Variants in ZBTB20 observed in about 807,000 individuals in gnomAD.
ZBTB20 encodes the protein zinc finger and BTB domain containing 20.
Under a neutral mutation model 56.9 loss-of-function variants are expected in ZBTB20, and 9 were observed. The ratio of observed to expected loss-of-function variants is 0.16; its 90% CI spans 0.10 to 0.28. ZBTB20 has a LOEUF of 0.28. Ranked by LOEUF, ZBTB20 falls within the 10% of genes least tolerant of loss-of-function variation. The probability of loss-of-function intolerance (pLI) is 1.00; values close to 1 mark genes in which losing one functional copy is unlikely to be tolerated. For synonymous variants in ZBTB20, 417 were observed against 420.7 expected, an observed-to-expected ratio of 0.99 and a Z score of 0.11; for missense variants, 655 against 1,003.0, an observed-to-expected ratio of 0.65 and a Z score of 4.69.
intron 7 of ZBTB20, among the ~76,000 whole-genome samples, chr3:114,442,315 A>C (rs2108969599): frequency 6.6e-6 from 1 of 152,274 alleles, no homozygotes; most frequent in Middle Eastern, 3.4e-3. Flanking sequence ...AGTGAAAACT[A>C]CTAGAGAATG....
At chr3:114,530,225 A>G (rs1024416238) in intron 6 of ZBTB20, among the ~76,000 whole-genome samples, 24 of 152,232 alleles carry the variant, frequency 1.6e-4, no homozygotes, top group African/African-American at 5.8e-4. Context: ...CTAGTTCTGC[A>G]AGATCCATTC....
At chr3:114,741,692 G>C (rs2066592609) in intron 5 of ZBTB20, among the ~76,000 whole-genome samples, 1 of 151,106 alleles carries the variant, frequency 6.6e-6, no homozygotes, top group African/African-American at 2.4e-5. Flanking sequence ...GGCCAAGATG[G>C]GGAAACCCCG....
intron 1 of ZBTB20, among the ~76,000 whole-genome samples, chr3:115,098,956 G>A (rs192415097): frequency 2.2e-4 from 33 of 152,188 alleles, no homozygotes; most frequent in African/African-American, 6.7e-4. Context: ...TGTATATGCC[G>A]AAACATTTGT....
chr3:114,938,772 G>T (rs1358526811), intron 3 of ZBTB20, among the ~76,000 whole-genome samples: 1 of 145,214 alleles, frequency 6.9e-6, no homozygotes, highest in African/African-American at 2.8e-5. Context: ...GTATACCTAT[G>T]TAACAAACCT....
intron 6 of ZBTB20, among the ~76,000 whole-genome samples, chr3:114,525,875 T>C (rs2942793): frequency 0.1 from 15,860 of 152,224 alleles, 1,335 homozygotes; most frequent in African/African-American, 0.22. Context: ...ATACTGTCTT[T>C]GAGACCAGAA....
At chr3:114,698,468 C>T (rs112570042) in intron 5 of ZBTB20, among the ~76,000 whole-genome samples, 34 of 152,156 alleles carry the variant, frequency 2.2e-4, no homozygotes, top group African/African-American at 7.9e-4. Flanking sequence ...CTCAGTGCTT[C>T]CCATGCCATA....
chr3:114,705,285 A>G (rs2063648654), intron 5 of ZBTB20, among the ~76,000 whole-genome samples: 2 of 151,996 alleles, frequency 1.3e-5, no homozygotes, highest in Non-Finnish European at 2.9e-5. Context: ...CAGCCTGAGG[A>G]AAAAAAATAA....
intron 6 of ZBTB20, among the ~76,000 whole-genome samples, chr3:114,656,406 A>G (rs1272360777): frequency 6.6e-6 from 1 of 152,072 alleles, no homozygotes; most frequent in African/African-American, 2.4e-5. Context: ...ATCATTTTTT[A>G]TTTCAGATTC....
chr3:115,096,795 GTAGA>G (rs2083395955), intron 1 of ZBTB20, among the ~76,000 whole-genome samples: 2 of 152,174 alleles, frequency 1.3e-5, no homozygotes, highest in South Asian at 4.1e-4. Context: ...CAGAACATGT[GTAGA>G]TAATCACACA....
At chr3:114,931,434 C>T (rs757199357) in intron 3 of ZBTB20, 3 of 200,646 alleles carry the variant, frequency 1.5e-5, no homozygotes, top group Admixed American at 1.2e-4. Context: ...ATTCTGCACC[C>T]GAGGCAGAAG....
chr3:115,094,775 T>G (rs922633141), intron 1 of ZBTB20, among the ~76,000 whole-genome samples: 1 of 151,924 alleles, frequency 6.6e-6, no homozygotes, highest in Non-Finnish European at 1.5e-5. Flanking sequence ...TTCTAAAAAT[T>G]AGAGAAAATT....
chr3:115,007,174 CCTTTA>C (rs2079507664), intron 2 of ZBTB20, among the ~76,000 whole-genome samples: 1 of 151,624 alleles, frequency 6.6e-6, no homozygotes, highest in Non-Finnish European at 1.5e-5. Flanking sequence ...TTCTGAGATT[CCTTTA>C]CTTTTTCTTG....
At chr3:114,544,665 G>C (rs929350296) in intron 6 of ZBTB20, among the ~76,000 whole-genome samples, 9 of 151,804 alleles carry the variant, frequency 5.9e-5, no homozygotes, top group African/African-American at 2.2e-4. Context: ...CATCACTCCT[G>C]CCTAATTTTT....
intron 1 of ZBTB20, among the ~76,000 whole-genome samples, chr3:115,083,989 A>T (rs549790153): frequency 6.6e-6 from 1 of 152,090 alleles, no homozygotes; most frequent in South Asian, 2.1e-4. Context: ...AGTTTAGTGG[A>T]TATTGTCTGT....
chr3:114,630,321 C>T (rs1027731430), intron 6 of ZBTB20, among the ~76,000 whole-genome samples: 1 of 152,166 alleles, frequency 6.6e-6, no homozygotes, highest in African/African-American at 2.4e-5. Context: ...GGACAACACA[C>T]AGCCATAACT....
chr3:115,070,760 A>G (rs1375210726), intron 2 of ZBTB20, among the ~76,000 whole-genome samples: 12 of 152,128 alleles, frequency 7.9e-5, no homozygotes, highest in Non-Finnish European at 1.6e-4. Flanking sequence ...TCAATTCAGC[A>G]TAAGAAGACT....
intron 7 of ZBTB20, among the ~76,000 whole-genome samples, chr3:114,489,878 G>A (rs1316341177): frequency 6.6e-6 from 1 of 152,058 alleles, no homozygotes; most frequent in African/African-American, 2.4e-5. Context: ...AAGCCATCAC[G>A]GCCACCACCT....
chr3:115,092,012 T>C (rs2083214741), intron 1 of ZBTB20, among the ~76,000 whole-genome samples: 1 of 152,116 alleles, frequency 6.6e-6, no homozygotes, highest in Non-Finnish European at 1.5e-5. Flanking sequence ...TGAGTATCTC[T>C]GACAATCCCT....
In ZBTB20 at chr3:114,868,339, A is replaced by G. The variant is rs371938637; in HGVS notation, c.-417+31965T>C. ...CGGATAAAAAGCCAGGAACTCCCCA[A>G]ACAAAACCAACAGCTTTTCTGTACT... On this transcript the variant is annotated intron_variant, in intron 4 of 11. Coordinates refer to ENST00000675478, the MANE Select transcript of ZBTB20 (RefSeq NM_001348800.3). 2.6e-3 allele frequency among the ~76,000 whole-genome samples: 391 copies of G among 152,270 alleles called. 1 individual carries two copies. Among genetic ancestry groups the G allele is most frequent in the African/African-American group, 9.0e-3 (374 of 41,548 alleles).
Sources: allele counts gnomAD v4.1 joint callset (sites outside exome capture counted in the v4.1 genomes callset), GRCh38; gene constraint gnomAD v4.1.1; transcripts MANE v1.5; gene names NCBI Gene and HGNC (gene_info 2026-07-23, HGNC 2026-07-21).